Variants in SF1 observed in about 807,000 individuals in gnomAD.
The protein encoded by SF1 is branch point-binding protein.
A neutral mutation model predicts 62.5 loss-of-function variants in SF1; 7 were observed. The observed-to-expected ratio is 0.11, with a 90% CI of 0.06 to 0.21. The LOEUF (loss-of-function observed/expected upper bound fraction) is 0.21, where lower values mean the gene tolerates loss of function less well. Ranked by LOEUF, SF1 falls within the 10% of genes least tolerant of loss-of-function variation. The pLI is 1.00. For missense variants in SF1, 578 were observed against 884.0 expected, an observed-to-expected ratio of 0.65 and a Z score of 4.39; for synonymous variants, 394 against 323.6, an observed-to-expected ratio of 1.22 and a Z score of -2.33.
intron 8 of SF1, among the ~76,000 whole-genome samples, chr11:64,768,628 C>G (rs757633696): frequency 3.9e-5 from 6 of 152,260 alleles, no homozygotes; most frequent in Non-Finnish European, 7.3e-5. Context: ...GCACAACTGC[C>G]AGAACGAACT....
At chr11:64,778,216 C>T (rs1170650060) in intron 1 of SF1, 146 bp downstream of exon 1, 3 of 1,148,786 alleles carry the variant, frequency 2.6e-6, no homozygotes, top group East Asian at 3.6e-5. Context: ...AGGCCGCGGT[C>T]AGGGCCCCCA....
At chr11:64,771,846 G>A (rs1175993304) in intron 3 of SF1, 1 of 985,286 alleles carries the variant, frequency 1.0e-6, no homozygotes, top group East Asian at 1.1e-4. Context: ...GAAAACCCAT[G>A]CATTTCCCTC....
At position 64,767,716 on chromosome 11, in the gene SF1, G is replaced by A; in HGVS notation, c.1197C>T (p.His399=). 2.5e-6 allele frequency: 4 copies of A among 1,613,050 alleles called. No homozygotes were observed. The highest frequency in any genetic ancestry group is 2.5e-6 in the Non-Finnish European group (3 of 1,179,536). Residue 399 remains histidine, a synonymous_variant, in exon 10 of 13, where the codon CAC becomes CAT. Coordinates refer to ENST00000377390, the MANE Select transcript of SF1 (RefSeq NM_004630.4). ...GPGGGPHSFP[H]PLPSLTGGHG... ...GCCCACCTGTCAGGCTGGGTAATGG[G>A]TGTGGGAAGCTGTGGGGGCCACCTC...
At chr11:64,777,916 G>T (rs972090379) in intron 1 of SF1, 9 of 962,412 alleles carry the variant, frequency 9.4e-6, no homozygotes, top group African/African-American at 1.8e-5. Context: ...CGCCGTCGCC[G>T]CCGCCGCGCG....
At chr11:64,772,300 G>A in intron 3 of SF1, 2 of 984,362 alleles carry the variant, frequency 2.0e-6, no homozygotes, top group Non-Finnish European at 2.4e-6. Context: ...AACAGTTGTG[G>A]TCTATGACCT....
At chr11:64,772,490 G>C in intron 3 of SF1, 7 of 984,936 alleles carry the variant, frequency 7.1e-6, no homozygotes, top group Non-Finnish European at 8.4e-6. Context: ...AGATGCATGA[G>C]TGAGTGACTT....
chr11:64,775,362 G>C (rs1488196884), intron 2 of SF1, among the ~76,000 whole-genome samples: 2 of 152,158 alleles, frequency 1.3e-5, no homozygotes, highest in African/African-American at 2.4e-5. Flanking sequence ...GTGTTCTTGG[G>C]ATATCACTCC....
rs1171993631 is a variant in SF1 at position 64,767,082 on chromosome 11, G to A, written c.1403-3C>T. The A allele has an allele frequency of 1.9e-6, 3 of 1,600,800 alleles. No homozygotes were observed. Among genetic ancestry groups the A allele is most frequent in the Non-Finnish European group, 2.6e-6 (3 of 1,171,974 alleles). On this transcript the variant is annotated splice_polypyrimidine_tract_variant and splice_region_variant and intron_variant, in intron 11 of 12. Coordinates refer to ENST00000377390, the MANE Select transcript of SF1 (RefSeq NM_004630.4). ...CATAGGTGGTGGCGGCATCATACCT[G>A]TGGACAGGTGGAGGCAAAGATGAGG... is the stretch of plus-strand genomic sequence containing the variant.
At chr11:64,774,259 G>A (rs1353085488) in intron 2 of SF1, among the ~76,000 whole-genome samples, 2 of 152,210 alleles carry the variant, frequency 1.3e-5, no homozygotes, top group Non-Finnish European at 2.9e-5. Flanking sequence ...GGGAGCAGGC[G>A]TGTAGAAGAA....
At chr11:64,767,113 G>T (rs1197797570) in intron 11 of SF1, 34 bp from the exon 12 acceptor site, 1 of 1,610,160 alleles carries the variant, frequency 6.2e-7, no homozygotes, top group Non-Finnish European at 8.5e-7. Context: ...TGAGGCCTCA[G>T]GGAAAGGCGG....
In SF1 at chr11:64,765,245, G is replaced by C. The variant is rs920607323; in HGVS notation, c.*573C>G. 2.1e-6 allele frequency: 1 copy of C among 482,232 alleles called. No individual in the cohort carries two copies. Among genetic ancestry groups the C allele is most frequent in the Admixed American group, 3.6e-5 (1 of 27,658 alleles). 29.9% of individuals were successfully genotyped at this position (482,232 alleles called of 1,614,324 possible). On this transcript the variant is annotated 3_prime_UTR_variant, in exon 13 of 13. Coordinates refer to ENST00000377390, the MANE Select transcript of SF1 (RefSeq NM_004630.4). ...GAGAGAAGGGAAAGGAATCTAAATT[G>C]CAGCAGAAGACCGGGGAGAGCATCT...
At chr11:64,766,714 A>G in intron 12 of SF1, 186 bp downstream of exon 12, 1 of 482,258 alleles carries the variant, frequency 2.1e-6, no homozygotes. Context: ...CAACCACACC[A>G]AACATCAGCT....
At position 64,765,258 on chromosome 11, in the gene SF1, G is replaced by A. The variant is rs1034417011; in HGVS notation, c.*560C>T. On this transcript the variant is annotated 3_prime_UTR_variant, in exon 13 of 13. Coordinates refer to ENST00000377390, the MANE Select transcript of SF1 (RefSeq NM_004630.4). ...GGAATCTAAATTGCAGCAGAAGACC[G>A]GGGAGAGCATCTCCTTGGACGGAGT... The A allele has an allele frequency of 2.7e-5, 14 of 521,712 alleles. No homozygotes were observed. The highest frequency in any genetic ancestry group is 1.3e-4 in the Admixed American group (4 of 31,704). 32.3% of individuals were successfully genotyped at this position (521,712 alleles called of 1,614,324 possible).
intron 3 of SF1, chr11:64,772,268 G>C: frequency 1.0e-6 from 1 of 983,834 alleles, no homozygotes; most frequent in African/African-American, 1.8e-5. Context: ...TTATTAAAGG[G>C]AAAAAGGCCA....
At chr11:64,777,159 T>C (rs1165155718) in intron 1 of SF1, among the ~76,000 whole-genome samples, 1 of 152,190 alleles carries the variant, frequency 6.6e-6, no homozygotes, top group African/African-American at 2.4e-5. Flanking sequence ...TTCATAAGTT[T>C]AGCCAAGATC....
At chr11:64,772,127 T>C in intron 3 of SF1, 1 of 985,374 alleles carries the variant, frequency 1.0e-6, no homozygotes, top group Non-Finnish European at 1.2e-6. Flanking sequence ...GAGGTTAGAC[T>C]GGCCCGACTT....
At chr11:64,766,613 C>G (rs2058689663) in intron 12 of SF1, 1 of 420,686 alleles carries the variant, frequency 2.4e-6, no homozygotes, top group African/African-American at 2.1e-5. Flanking sequence ...TCCAGCCAGC[C>G]GCTCACTCAG....
chr11:64,777,878 G>C, intron 1 of SF1: 4 of 933,804 alleles, frequency 4.3e-6, no homozygotes, highest in Non-Finnish European at 5.1e-6. Flanking sequence ...CTCCCCGTGC[G>C]CGCACGCGCG....
chr11:64,766,491 A>G, intron 12 of SF1: 1 of 463,904 alleles, frequency 2.2e-6, no homozygotes, highest in Non-Finnish European at 3.8e-6. Context: ...TCAAGGCCAC[A>G]GCTGCTGTCT....
Sources: allele counts gnomAD v4.1 joint callset (sites outside exome capture counted in the v4.1 genomes callset), GRCh38; gene constraint gnomAD v4.1.1; transcripts MANE v1.5; gene names NCBI Gene and HGNC (gene_info 2026-07-23, HGNC 2026-07-21).